STK33: variants seen among roughly 807,000 people sequenced by gnomAD.
STK33 encodes the protein serine/threonine-protein kinase 33.
STK33 carries 52 observed loss-of-function variants against 58.0 expected under a neutral mutation model. That is an observed-to-expected ratio of 0.90 (90% CI 0.72 to 1.13). STK33 has a LOEUF of 1.13. STK33 is among the 50% of genes most tolerant of loss of function. The pLI is 0.00. For synonymous variants in STK33, 215 were observed against 200.1 expected, an observed-to-expected ratio of 1.07 and a Z score of -0.63; for missense variants, 630 against 604.2, an observed-to-expected ratio of 1.04 and a Z score of -0.45.
chr11:8,533,889 T>G (rs1180339858), intron 1 of STK33, among the ~76,000 whole-genome samples: 8 of 152,218 alleles, frequency 5.3e-5, no homozygotes, highest in African/African-American at 1.9e-4. Context: ...TGTCCAGTCA[T>G]GCTGGGTGAA....
chr11:8,500,847 A>G (rs1951462402), intron 1 of STK33, among the ~76,000 whole-genome samples: 3 of 152,188 alleles, frequency 2.0e-5, no homozygotes, highest in Admixed American at 2.0e-4. Context: ...AGATCATAGG[A>G]CAGAATTGAG....
intron 15 of STK33, among the ~76,000 whole-genome samples, chr11:8,412,954 A>G (rs1191652083): frequency 6.6e-6 from 1 of 152,200 alleles, no homozygotes; most frequent in African/African-American, 2.4e-5. Context: ...AAAATAATAA[A>G]CCTATATAAA....
chr11:8,575,286 G>C (rs1044399878), intron 1 of STK33, among the ~76,000 whole-genome samples: 17 of 152,154 alleles, frequency 1.1e-4, no homozygotes, highest in African/African-American at 4.1e-4. Flanking sequence ...GCCTCAAACA[G>C]ATACCTGTAC....
At chr11:8,592,820 G>A (rs1322821173) in intron 1 of STK33, among the ~76,000 whole-genome samples, 1 of 152,112 alleles carries the variant, frequency 6.6e-6, no homozygotes, top group Non-Finnish European at 1.5e-5. Context: ...AGAGGAGGTT[G>A]GGGGGTAGCA....
At chr11:8,482,735 TA>T (rs1321162321) in intron 1 of STK33, among the ~76,000 whole-genome samples, 1 of 151,960 alleles carries the variant, frequency 6.6e-6, no homozygotes, top group Non-Finnish European at 1.5e-5. Context: ...TTTATTTATT[TA>T]TTTATTTTTT....
At position 8,436,131 on chromosome 11, in the gene STK33, C is replaced by T; in HGVS notation, c.956G>A (p.Gly319Glu). The change falls in exon 13 of 16, where the codon GGA becomes GAA. Residue 319 changes from glycine to glutamate, a missense_variant. Gly to Glu is a moderately conservative substitution (Grantham distance 98, BLOSUM62 -2). Coordinates refer to ENST00000687296, the MANE Select transcript of STK33 (RefSeq NM_001352389.2). ...IGVVMYMLLRGEPPFLASSEE... is the reference protein window; with the variant it reads ...IGVVMYMLLREEPPFLASSEE... ...TGAGCTTGCCAAAAAGGGTGGTTCT[C>T]CACGTAATCTGCAACAAAGGCAATC... 6.4e-7 allele frequency: 1 copy of T among 1,558,350 alleles called. No homozygotes were observed. The highest frequency in any genetic ancestry group is 1.4e-5 in the African/African-American group (1 of 72,858).
At chr11:8,384,586 C>T in the STK33 span, among the ~76,000 whole-genome samples, 2 of 152,184 alleles carry the variant, frequency 1.3e-5, no homozygotes, top group African/African-American at 2.4e-5. Flanking sequence ...CTTTTAACTT[C>T]CTAGAAGACA....
chr11:8,503,531 T>C (rs1183661830), intron 1 of STK33, among the ~76,000 whole-genome samples: 2 of 152,128 alleles, frequency 1.3e-5, no homozygotes, highest in African/African-American at 4.8e-5. Context: ...TGCTCAAACC[T>C]GAGTGACAAA....
At chr11:8,461,356 A>G (rs1462488343) in intron 8 of STK33, among the ~76,000 whole-genome samples, 1 of 152,252 alleles carries the variant, frequency 6.6e-6, no homozygotes, top group African/African-American at 2.4e-5. Context: ...AAGATAAAAC[A>G]TATCAGTAAG....
rs1952487203 is a variant in STK33, at chr11:8,513,259, C to T, written c.-465-32645G>A. Among the ~76,000 whole-genome samples the T allele has an allele frequency of 3.9e-5, 6 of 152,254 alleles. No individual in the cohort carries two copies. In the South Asian group the frequency reaches 1.2e-3, roughly 32 times the overall value. ...AACCTGCTGGTTTTGTCCCTGCTCA[C>T]CTAACATCTCACTTCTTTTTCCTCA... On this transcript the variant is annotated intron_variant, in intron 1 of 15. Coordinates refer to ENST00000687296, the MANE Select transcript of STK33 (RefSeq NM_001352389.2).
chr11:8,539,987 G>C (rs190961777), intron 1 of STK33, among the ~76,000 whole-genome samples: 1 of 152,082 alleles, frequency 6.6e-6, no homozygotes, highest in African/African-American at 2.4e-5. Flanking sequence ...AGCCATTATG[G>C]AAAACAGTAT....
At chr11:8,506,442 A>T (rs2139294410) in intron 1 of STK33, among the ~76,000 whole-genome samples, 1 of 152,326 alleles carries the variant, frequency 6.6e-6, no homozygotes, top group Non-Finnish European at 1.5e-5. Flanking sequence ...CAGTTCTGTA[A>T]GTTAGAAATC....
At position 8,574,637 on chromosome 11, in the gene STK33, CCAAA is replaced by C. The variant is rs573888240; in HGVS notation, c.-466+19442_-466+19445del. Among the ~76,000 whole-genome samples the C allele has an allele frequency of 2.8e-4, 43 of 152,122 alleles. No individual in the cohort carries two copies. In the South Asian group the frequency reaches 4.4e-3, roughly 15 times the overall value. On this transcript the variant is annotated intron_variant, in intron 1 of 15. Transcript: ENST00000687296. ...CAATAACATTACCATGTTACCAAAA[CCAAA>C]CAAAGACACTGCAAGTACATATAAC...
chr11:8,579,246 T>C (rs1219055542), intron 1 of STK33, among the ~76,000 whole-genome samples: 1 of 152,054 alleles, frequency 6.6e-6, no homozygotes, highest in Non-Finnish European at 1.5e-5. Flanking sequence ...ATAGGTTTTT[T>C]ATTAAATCTA....
At chr11:8,479,758 G>A (rs1167807323) in intron 2 of STK33, among the ~76,000 whole-genome samples, 1 of 152,064 alleles carries the variant, frequency 6.6e-6, no homozygotes, top group African/African-American at 2.4e-5. Context: ...TTGGAAAATC[G>A]TTTGAACCCA....
intron 1 of STK33, among the ~76,000 whole-genome samples, chr11:8,570,899 C>T (rs530653539): frequency 2.6e-5 from 4 of 152,274 alleles, no homozygotes; most frequent in Admixed American, 6.5e-5. Flanking sequence ...CACACACACA[C>T]AGACACAGAG....
At chr11:8,482,117 T>C (rs1179844868) in intron 1 of STK33, among the ~76,000 whole-genome samples, 1 of 152,178 alleles carries the variant, frequency 6.6e-6, no homozygotes, top group Non-Finnish European at 1.5e-5. Flanking sequence ...CCTGTTTCCT[T>C]TGATCCCAGT....
chr11:8,575,043 CA>C (rs1555011238), intron 1 of STK33, among the ~76,000 whole-genome samples: 1 of 151,614 alleles, frequency 6.6e-6, no homozygotes, highest in South Asian at 2.1e-4. Context: ...GACCCTGTCT[CA>C]AAAAAAGGGG....
chr11:8,565,492 T>G (rs1005409155), intron 1 of STK33, among the ~76,000 whole-genome samples: 1 of 151,554 alleles, frequency 6.6e-6, no homozygotes, highest in Admixed American at 6.6e-5. Flanking sequence ...CGAGTTCAAA[T>G]ATCAGTTCTG....
Sources: gnomAD v4.1 joint callset for allele counts (sites outside exome capture counted in the v4.1 genomes callset) on GRCh38, gnomAD v4.1.1 for gene constraint, MANE v1.5 for transcripts, NCBI Gene and HGNC (gene_info 2026-07-23, HGNC 2026-07-21) for gene names.